FNBP1L: variants seen among roughly 807,000 people sequenced by gnomAD.
FNBP1L encodes formin binding protein 1 like, also known as formin-binding protein 1-like.
Under a neutral mutation model 91.2 loss-of-function variants are expected in FNBP1L, and 36 were observed. That is an observed-to-expected ratio of 0.39 (90% CI 0.30 to 0.52). The LOEUF (loss-of-function observed/expected upper bound fraction) is 0.52, where lower values mean the gene tolerates loss of function less well. Ranked by LOEUF, FNBP1L falls within the 20% of genes least tolerant of loss-of-function variation. The pLI, the probability that FNBP1L is intolerant of heterozygous loss-of-function variation, is 0.66. For missense variants in FNBP1L, 571 were observed against 732.1 expected, an observed-to-expected ratio of 0.78 and a Z score of 2.54; for synonymous variants, 242 against 237.0, an observed-to-expected ratio of 1.02 and a Z score of -0.19.
intron 1 of FNBP1L, 80 bp from the exon 2 acceptor site, chr1:93,499,388 A>G (rs1309787322): frequency 1.1e-6 from 1 of 895,412 alleles, no homozygotes. Context: ...GCTTCTCTGT[A>G]CAAATACCAG....
intron 1 of FNBP1L, among the ~76,000 whole-genome samples, chr1:93,497,552 T>G (rs1670306881): frequency 6.6e-6 from 1 of 152,218 alleles, no homozygotes; most frequent in Non-Finnish European, 1.5e-5. Context: ...TACCATTAAG[T>G]GTTCAACTAG....
chr1:93,525,686 A>T (rs1283479609), intron 5 of FNBP1L, among the ~76,000 whole-genome samples: 2 of 152,168 alleles, frequency 1.3e-5, no homozygotes, highest in East Asian at 3.8e-4. Flanking sequence ...TTGTTAAGCA[A>T]AAGTTTTAGA....
rs750065735 is a variant in FNBP1L, at chr1:93,471,671, G to A, written c.24+23366G>A. 3.9e-5 allele frequency among the ~76,000 whole-genome samples: 6 copies of A among 152,322 alleles called. No individual in the cohort carries two copies. In the South Asian group the frequency reaches 6.2e-4, roughly 16 times the overall value. The stretch of plus-strand genomic sequence containing the variant: ...TGCACCACTGCACTCCAGCCTGGGT[G>A]ACCAGAGTGAGACCCTGCCTCAAAA... On this transcript the variant is annotated intron_variant, in intron 1 of 16. Coordinates refer to ENST00000271234, the MANE Select transcript of FNBP1L (RefSeq NM_001164473.3).
rs1671731470 is a variant in FNBP1L, at chr1:93,532,948, G to A, written c.666G>A (p.Arg222=). 1 of 1,604,362 alleles carries A rather than the reference G, an allele frequency of 6.2e-7. No individual in the cohort carries two copies. Among genetic ancestry groups the A allele is most frequent in the Admixed American group, 1.7e-5 (1 of 58,906 alleles). ...AACTACAAGAAATGGACGAACGAAG[G>A]ACTATTAAACTCAGTGAGTGTTACA... ...YKQLQEMDER[R]TIKLSECYRG... is the part of the protein sequence containing the mutation. The change falls in exon 8 of 17, where the codon AGG becomes AGA. Residue 222 remains arginine, a synonymous_variant. Transcript: ENST00000271234.
intron 1 of FNBP1L, among the ~76,000 whole-genome samples, chr1:93,458,267 A>G (rs1400286899): frequency 6.6e-6 from 1 of 152,106 alleles, no homozygotes; most frequent in Non-Finnish European, 1.5e-5. Flanking sequence ...TTGAGGAGGA[A>G]AACTGGATAT....
chr1:93,496,250 TCTC>T (rs950444014), intron 1 of FNBP1L, among the ~76,000 whole-genome samples: 4 of 149,456 alleles, frequency 2.7e-5, no homozygotes, highest in African/African-American at 9.8e-5. Flanking sequence ...CCCCCTTCCT[TCTC>T]CTCTTTTTCC....
intron 6 of FNBP1L, 46 bp from the exon 7 acceptor site, chr1:93,530,709 G>T (rs1671643834): frequency 1.3e-6 from 2 of 1,567,156 alleles, no homozygotes; most frequent in Non-Finnish European, 1.7e-6. Context: ...AAAGTGAATT[G>T]CTGTGATTTT....
At chr1:93,525,340 A>G (rs148773660) in intron 5 of FNBP1L, among the ~76,000 whole-genome samples, 8 of 152,200 alleles carry the variant, frequency 5.3e-5, no homozygotes, top group Non-Finnish European at 8.8e-5. Flanking sequence ...ATGCATTTTC[A>G]AAACTTTGAT....
At chr1:93,458,640 A>C (rs888711234) in intron 1 of FNBP1L, among the ~76,000 whole-genome samples, 1 of 152,140 alleles carries the variant, frequency 6.6e-6, no homozygotes, top group Non-Finnish European at 1.5e-5. Flanking sequence ...TCAAGCTAAA[A>C]AGCTTCTACA....
chr1:93,490,332 T>G (rs1009038281), intron 1 of FNBP1L, among the ~76,000 whole-genome samples: 2 of 152,222 alleles, frequency 1.3e-5, no homozygotes, highest in African/African-American at 4.8e-5. Flanking sequence ...TGATGCCAGC[T>G]TTAATTTAGA....
intron 1 of FNBP1L, among the ~76,000 whole-genome samples, chr1:93,481,765 A>G (rs748954108): frequency 2.0e-4 from 30 of 152,350 alleles, no homozygotes; most frequent in Non-Finnish European, 3.7e-4. Context: ...ATTCTTATCA[A>G]TCCTTTTTGA....
At chr1:93,461,213 G>A (rs1342221621) in intron 1 of FNBP1L, among the ~76,000 whole-genome samples, 1 of 152,106 alleles carries the variant, frequency 6.6e-6, no homozygotes, top group Admixed American at 6.6e-5. Context: ...GCTTGTTTAC[G>A]CTGGAGTGTT....
At chr1:93,528,707 G>T (rs1671574860) in intron 5 of FNBP1L, among the ~76,000 whole-genome samples, 1 of 152,020 alleles carries the variant, frequency 6.6e-6, no homozygotes, top group South Asian at 2.1e-4. Flanking sequence ...AGGCCTAGTT[G>T]GTAATGAGTT....
intron 2 of FNBP1L, among the ~76,000 whole-genome samples, chr1:93,503,762 G>A (rs1373220260): frequency 6.6e-6 from 1 of 152,146 alleles, no homozygotes; most frequent in South Asian, 2.1e-4. Context: ...ACTGAAATCA[G>A]TCATTCTTTT....
intron 5 of FNBP1L, among the ~76,000 whole-genome samples, chr1:93,525,890 A>C (rs1671475752): frequency 6.6e-6 from 1 of 152,184 alleles, no homozygotes; most frequent in African/African-American, 2.4e-5. Flanking sequence ...GAGGGAAACT[A>C]ACCAATATAA....
At chr1:93,516,080 A>G (rs1183107405) in intron 2 of FNBP1L, among the ~76,000 whole-genome samples, 3 of 152,294 alleles carry the variant, frequency 2.0e-5, no homozygotes, top group African/African-American at 4.8e-5. Context: ...TTGGATTTAC[A>G]TATATAGTTT....
intron 10 of FNBP1L, among the ~76,000 whole-genome samples, chr1:93,540,401 AC>A (rs1237653179): frequency 1.3e-5 from 2 of 152,132 alleles, no homozygotes; most frequent in Non-Finnish European, 2.9e-5. Context: ...GCAAAATTCA[AC>A]CTATATACTT....
At chr1:93,550,225 T>G (rs1429765346) in intron 15 of FNBP1L, among the ~76,000 whole-genome samples, 2 of 152,188 alleles carry the variant, frequency 1.3e-5, no homozygotes, top group African/African-American at 4.8e-5. Flanking sequence ...GATGTGTGCC[T>G]ATAGTCCCAG....
intron 3 of FNBP1L, 32 bp downstream of exon 3, chr1:93,522,167 T>TA: frequency 5.4e-6 from 6 of 1,108,686 alleles, no homozygotes; most frequent in Non-Finnish European, 4.8e-6. Flanking sequence ...TAATGCATAT[T>TA]AAAAAATTTA....
Sources: gnomAD v4.1 joint callset for allele counts (sites outside exome capture counted in the v4.1 genomes callset) on GRCh38, gnomAD v4.1.1 for gene constraint, MANE v1.5 for transcripts, NCBI Gene and HGNC (gene_info 2026-07-23, HGNC 2026-07-21) for gene names.